Variants in DNAAF4 observed in about 807,000 individuals in gnomAD.
DNAAF4 encodes dynein axonemal assembly factor 4.
Under a neutral mutation model 51.8 loss-of-function variants are expected in DNAAF4, and 43 were observed. The observed-to-expected ratio is 0.83, with a 90% CI of 0.65 to 1.07. The LOEUF is 1.07. Ranked by LOEUF, DNAAF4 falls within the 50% of genes least tolerant of loss-of-function variation. DNAAF4 has a pLI of 0.00. For synonymous variants in DNAAF4, 194 were observed against 165.6 expected (o/e 1.17, Z -1.32); for missense variants, 581 against 493.0 (o/e 1.18, Z -1.69).
At chr15:55,460,702 C>A (rs2058082836) in intron 5 of DNAAF4, among the ~76,000 whole-genome samples, 1 of 65,678 alleles carries the variant, frequency 1.5e-5, no homozygotes, top group Non-Finnish European at 3.0e-5. Context: ...GCATTCTTTT[C>A]ATCAGCACAT....
At chr15:55,445,342 G>T (rs778801333) in intron 6 of DNAAF4, among the ~76,000 whole-genome samples, 8 of 152,094 alleles carry the variant, frequency 5.3e-5, no homozygotes, top group Non-Finnish European at 8.8e-5. Context: ...ATGTTTCAGA[G>T]TGCACGGGGT....
At chr15:55,431,379 C>T (rs1363092833) in intron 9 of DNAAF4, among the ~76,000 whole-genome samples, 1 of 151,756 alleles carries the variant, frequency 6.6e-6, no homozygotes, top group Admixed American at 6.6e-5. Context: ...CACACACACA[C>T]ACACACACAC....
intron 4 of DNAAF4, 94 bp downstream of exon 4, chr15:55,491,029 A>T: frequency 6.9e-7 from 1 of 1,455,568 alleles, no homozygotes; most frequent in Non-Finnish European, 9.4e-7. Context: ...AAGTATGAAG[A>T]AAATGCTGAG....
chr15:55,453,145 G>C (rs1414106440), intron 5 of DNAAF4, among the ~76,000 whole-genome samples: 2 of 152,084 alleles, frequency 1.3e-5, no homozygotes, highest in Non-Finnish European at 2.9e-5. Flanking sequence ...TTAGTGAAAA[G>C]GATGCTTATA....
chr15:55,465,389 TATATACAC>T (rs1363075739), intron 5 of DNAAF4, among the ~76,000 whole-genome samples: 2 of 128,498 alleles, frequency 1.6e-5, no homozygotes, highest in South Asian at 2.3e-4. Flanking sequence ...ATATGGTGTA[TATATACAC>T]ACACACACAC....
chr15:55,479,526 AC>A (rs1387483599), intron 4 of DNAAF4, among the ~76,000 whole-genome samples: 3 of 152,230 alleles, frequency 2.0e-5, no homozygotes, highest in Admixed American at 2.0e-4. Flanking sequence ...TTGAAAAAGA[AC>A]GGAATAATAG....
intron 1 of DNAAF4, among the ~76,000 whole-genome samples, chr15:55,507,355 T>C (rs115130970): frequency 0.04 from 6,124 of 152,198 alleles, 275 homozygotes; most frequent in African/African-American, 0.11. Context: ...ACCTTAAACA[T>C]GCTCAGAACA....
At chr15:55,461,181 G>T (rs1483152350) in intron 5 of DNAAF4, among the ~76,000 whole-genome samples, 1 of 151,926 alleles carries the variant, frequency 6.6e-6, no homozygotes, top group Non-Finnish European at 1.5e-5. Flanking sequence ...CCATTCTCCT[G>T]CCTCAGCCTC....
chr15:55,426,384 G>A (rs1263924830), downstream of DNAAF4, among the ~76,000 whole-genome samples: 1 of 152,196 alleles, frequency 6.6e-6, no homozygotes, highest in Non-Finnish European at 1.5e-5. Context: ...TTTGGAGAAA[G>A]GTTGTTAACA....
At chr15:55,433,483 G>A (rs975111720) in intron 8 of DNAAF4, among the ~76,000 whole-genome samples, 10 of 151,054 alleles carry the variant, frequency 6.6e-5, no homozygotes, top group Non-Finnish European at 1.3e-4. Context: ...AAAATTAGCC[G>A]GGTATGATGG....
chr15:55,466,183 G>A (rs1282770198), intron 5 of DNAAF4, among the ~76,000 whole-genome samples: 2 of 152,182 alleles, frequency 1.3e-5, no homozygotes, highest in Non-Finnish European at 2.9e-5. Context: ...AGCACTTTGG[G>A]AGGCCAAGGC....
Position 55,430,515 on chromosome 15 carries a change from C to G in DNAAF4, c.*155G>C. On this transcript the variant is annotated 3_prime_UTR_variant, in exon 10 of 10. Transcript: ENST00000321149. Reference sequence around the variant, plus strand: ...TTATTCAGAAATGATTCAAGTCAAACAGTTTATTTTCTATAGATTTATAAT... The same window carrying G: ...TTATTCAGAAATGATTCAAGTCAAAGAGTTTATTTTCTATAGATTTATAAT... 8.2e-7 allele frequency: 1 copy of G among 1,220,556 alleles called. No individual in the cohort carries two copies. The highest frequency in any genetic ancestry group is 1.0e-6 in the Non-Finnish European group (1 of 969,162). 75.6% of individuals were successfully genotyped at this position (1,220,556 alleles called of 1,614,324 possible). A position where few individuals can be genotyped will look rare whatever the true frequency, so the allele number is the denominator to read the frequency against.
At chr15:55,417,813 G>C (rs1371133482) in exon 8 of DNAAF4, 2 of 239,138 alleles carry the variant, frequency 8.4e-6, no homozygotes, top group African/African-American at 4.6e-5. Flanking sequence ...AGTCCGAAAA[G>C]ACAGTCAGCG....
chr15:55,454,053 G>C (rs2439045), intron 5 of DNAAF4, among the ~76,000 whole-genome samples: 78,772 of 151,596 alleles, frequency 0.52, 21,170 homozygotes, highest in African/African-American at 0.63. Flanking sequence ...GTAATCCCAG[G>C]ATTTTGGGAG....
downstream of DNAAF4, among the ~76,000 whole-genome samples, chr15:55,426,527 CTCAG>C (rs1321114432): frequency 7.9e-5 from 12 of 152,288 alleles, no homozygotes; most frequent in African/African-American, 2.4e-4. Context: ...CTTTCACTGT[CTCAG>C]TCATTGTCCT....
chr15:55,443,098 C>T (rs2057739907), intron 6 of DNAAF4: 5 of 1,610,450 alleles, frequency 3.1e-6, no homozygotes, highest in African/African-American at 1.3e-5. Flanking sequence ...GTCTTGAATC[C>T]TTTCAGTAGG....
intron 4 of DNAAF4, among the ~76,000 whole-genome samples, chr15:55,487,012 ACT>A (rs1382683832): frequency 1.3e-5 from 2 of 152,214 alleles, no homozygotes; most frequent in East Asian, 1.9e-4. Flanking sequence ...TAAAAGACAA[ACT>A]CAACTAATTT....
chr15:55,437,956 G>C (rs1443045877), intron 7 of DNAAF4, among the ~76,000 whole-genome samples: 1 of 152,090 alleles, frequency 6.6e-6, no homozygotes, highest in South Asian at 2.1e-4. Context: ...TAAGTAATAG[G>C]AAAATAAACA....
intron 1 of DNAAF4, among the ~76,000 whole-genome samples, chr15:55,501,376 C>CTTTTTT (rs1192104530): frequency 9.6e-6 from 1 of 104,516 alleles, no homozygotes; most frequent in Non-Finnish European, 2.0e-5. Context: ...TTCTTTCTTT[C>CTTTTTT]TTTTTTTTTT....
Sources: gnomAD v4.1 joint callset for allele counts (sites outside exome capture counted in the v4.1 genomes callset) on GRCh38, gnomAD v4.1.1 for gene constraint, MANE v1.5 for transcripts, NCBI Gene and HGNC (gene_info 2026-07-23, HGNC 2026-07-21) for gene names.